Variants in NOS2 observed in about 807,000 individuals in gnomAD.
The protein encoded by NOS2 is nitric oxide synthase 2, also known as nitric oxide synthase, inducible.
In NOS2, 96 loss-of-function variants were observed where a neutral mutation model predicts 136.0. The ratio of observed to expected loss-of-function variants is 0.71; its 90% CI spans 0.60 to 0.84. The LOEUF (loss-of-function observed/expected upper bound fraction) is 0.84. Ranked by LOEUF, NOS2 falls within the 40% of genes least tolerant of loss-of-function variation. NOS2 has a pLI of 0.00. For synonymous variants in NOS2, 539 were observed against 587.5 expected (o/e 0.92, Z 1.20); for missense variants, 1,237 against 1,496.9 (o/e 0.83, Z 2.87).
Position 27,778,975 on chromosome 17 carries a change from C to T in NOS2, c.1086G>A (p.Leu362=). The change falls in exon 10 of 27, where the codon CTG becomes CTA. Residue 362 remains leucine, a synonymous_variant. Coordinates refer to ENST00000313735, the MANE Select transcript of NOS2 (RefSeq NM_000625.4). ...CATTGAAGGGGCACCCTGGGAACTC[C>T]AGGCCGCCCACCTCAAGCAGCATGT... ...VANMLLEVGG[L]EFPGCPFNGW... is the part of the protein sequence containing the mutation. The T allele has an allele frequency of 1.2e-6, 2 of 1,612,938 alleles. No homozygotes were observed. The highest frequency in any genetic ancestry group is 1.7e-6 in the Non-Finnish European group (2 of 1,179,178).
chr17:27,782,238 G>C (rs573455384), intron 6 of NOS2, 132 bp from the exon 7 acceptor site: 2 of 749,892 alleles, frequency 2.7e-6, no homozygotes, highest in South Asian at 3.3e-5. Context: ...CCATGCCGAA[G>C]AGTGCAGCCT....
chr17:27,758,213 G>A (rs1227135144), intron 26 of NOS2, among the ~76,000 whole-genome samples: 3 of 152,178 alleles, frequency 2.0e-5, no homozygotes, highest in Admixed American at 6.5e-5. Flanking sequence ...TGTGTCTTAG[G>A]GAGAGTATGG....
At chr17:27,782,230 A>G in intron 6 of NOS2, 124 bp from the exon 7 acceptor site, 1 of 798,780 alleles carries the variant, frequency 1.3e-6, no homozygotes. Flanking sequence ...ACTCAACACC[A>G]TGCCGAAGAG....
intron 20 of NOS2, 77 bp downstream of exon 20, chr17:27,765,458 G>A: frequency 7.3e-7 from 1 of 1,363,094 alleles, no homozygotes. Context: ...TCACCGGCAG[G>A]CCCAGGCTCA....
intron 11 of NOS2, among the ~76,000 whole-genome samples, chr17:27,775,972 G>A (rs1908645790): frequency 6.6e-6 from 1 of 152,232 alleles, no homozygotes. Flanking sequence ...TAGTCTAACT[G>A]GGTGGGGAAG....
intron 18 of NOS2, among the ~76,000 whole-genome samples, chr17:27,766,980 G>A (rs868111897): frequency 6.7e-5 from 8 of 119,924 alleles, no homozygotes; most frequent in Admixed American, 3.5e-4. Context: ...CAGCCTGGAC[G>A]ACAGACCGAG....
intron 2 of NOS2, among the ~76,000 whole-genome samples, chr17:27,790,488 T>C (rs2142525610): frequency 6.6e-6 from 1 of 152,352 alleles, no homozygotes; most frequent in South Asian, 2.1e-4. Flanking sequence ...CAGAAAATGT[T>C]AAGTGTACAA....
intron 21 of NOS2, 130 bp from the exon 22 acceptor site, chr17:27,763,135 T>C: frequency 1.5e-6 from 1 of 667,364 alleles, no homozygotes. Context: ...GCACTGTCCA[T>C]GGTGCTGAGA....
intron 20 of NOS2, among the ~76,000 whole-genome samples, chr17:27,764,888 C>G (rs990861209): frequency 6.6e-5 from 10 of 152,244 alleles, no homozygotes; most frequent in African/African-American, 2.4e-4. Context: ...CCTACAGTCA[C>G]AAGGGCAACT....
chr17:27,770,938 T>C lies in NOS2; in HGVS notation c.1784A>G (p.Asn595Ser). The C allele has an allele frequency of 1.2e-6, 2 of 1,614,052 alleles. No individual in the cohort carries two copies. The highest frequency in any genetic ancestry group is 1.7e-6 in the Non-Finnish European group (2 of 1,179,954). The change falls in exon 15 of 27, where the codon AAT (asparagine) becomes AGT (serine). Residue 595 changes from asparagine (N) to serine (S), a missense_variant. Transcript: ENST00000313735. Reference protein sequence around the residue: ...LLLVVTSTFGNGDCPGNGEKL... With the variant: ...LLLVVTSTFGSGDCPGNGEKL... ...CTCTCCATTGCCAGGGCAGTCTCCA[T>C]TGCCAAACGTACTGGTCACCACCAA...
chr17:27,765,228 T>G (rs1908257870), intron 20 of NOS2, among the ~76,000 whole-genome samples: 1 of 152,220 alleles, frequency 6.6e-6, no homozygotes, highest in South Asian at 2.1e-4. Context: ...CCTCAAGTGA[T>G]CCACCCACCA....
chr17:27,779,049 ACTCGTATCTGGC>A lies in NOS2; in HGVS notation c.1005-5_1011del. On this transcript the variant is annotated splice_acceptor_variant and splice_polypyrimidine_tract_variant and coding_sequence_variant and intron_variant, in exon 10 of 27. Transcript: ENST00000313735. LOFTEE classifies it high-confidence loss of function. ...CACTTTAGCTCCAGTTCCCGAAACC[ACTCGTATCTGGC>A]AAAAAGGTAGACACAATTTAACTGG... 2 of 1,501,748 alleles carry A rather than the reference ACTCGTATCTGGC, an allele frequency of 1.3e-6. No individual in the cohort carries two copies. The highest frequency in any genetic ancestry group is 2.3e-5 in the Admixed American group (1 of 43,310). 93.0% of individuals were successfully genotyped at this position (1,501,748 alleles called of 1,614,324 possible).
rs1177761064 is a variant in NOS2 at position 27,767,563 on chromosome 17, T to C, written c.2167+142A>G. ...CCTCAGCACCTTGAGTATTATGCCCTAACAGGCTCTTGCATGCAGTGAGAG... is the reference window on the plus strand; with the variant it reads ...CCTCAGCACCTTGAGTATTATGCCCCAACAGGCTCTTGCATGCAGTGAGAG... On this transcript the variant is annotated intron_variant, in intron 18 of 26. Transcript: ENST00000313735. 10 of 979,818 alleles carry C rather than the reference T, an allele frequency of 1.0e-5. No homozygotes were observed. In the South Asian group the frequency reaches 1.7e-4, roughly 17 times the overall value. The allele number at this position is 979,818 out of a possible 1,614,324, so 60.7% of individuals were successfully genotyped here.
chr17:27,787,822 A>C lies in NOS2; in HGVS notation c.323T>G (p.Leu108Ter). The change falls in exon 5 of 27, where the codon TTA (leucine) becomes TGA (stop). Residue 108 changes from leucine (L) to a stop codon, truncating the protein, a stop_gained. Transcript: ENST00000313735. LOFTEE classifies it high-confidence loss of function. ...DTLHHKAKGI[L>*]TCRSKSCLGS... is the part of the protein sequence containing the mutation. ...CAGGCAAGATTTGGACCTGCAAGTT[A>C]AAATCTGGAAAGAGAGAGGCAGGTG... The C allele has an allele frequency of 6.2e-7, 1 of 1,609,214 alleles. No homozygotes were observed. The highest frequency in any genetic ancestry group is 2.2e-5 in the East Asian group (1 of 44,500).
intron 5 of NOS2, among the ~76,000 whole-genome samples, chr17:27,784,159 C>CA (rs1309354185): frequency 6.6e-6 from 1 of 151,278 alleles, no homozygotes; most frequent in Non-Finnish European, 1.5e-5. Flanking sequence ...CACACACACA[C>CA]ACTACCACCA....
At chr17:27,779,795 G>A (rs369312373) in intron 9 of NOS2, among the ~76,000 whole-genome samples, 10 of 152,280 alleles carry the variant, frequency 6.6e-5, no homozygotes, top group Admixed American at 4.6e-4. Flanking sequence ...TAGCCTCTCT[G>A]AGCCTCAACA....
At position 27,797,737 on chromosome 17, in the gene NOS2, G is replaced by T. The variant is rs867450985; in HGVS notation, c.110+963C>A. Reference sequence around the variant, plus strand: ...GATTGCTTTGTCTTTCCACCTGAGCGAGCCTCAAGCCTGTCCCTTGACTTG... The same window carrying T: ...GATTGCTTTGTCTTTCCACCTGAGCTAGCCTCAAGCCTGTCCCTTGACTTG... On this transcript the variant is annotated intron_variant, in intron 2 of 26. Transcript: ENST00000313735. 3.9e-5 allele frequency among the ~76,000 whole-genome samples: 6 copies of T among 152,186 alleles called. No individual in the cohort carries two copies. The South Asian group carries it at 1.2e-3, about 32-fold the overall frequency.
chr17:27,758,858 A>G, intron 26 of NOS2, 23 bp downstream of exon 26: 1 of 1,429,702 alleles, frequency 7.0e-7, no homozygotes, highest in South Asian at 1.5e-5. Context: ...CGGCACCTTC[A>G]GCCCACACAC....
At chr17:27,783,761 G>C (rs1221330612) in intron 5 of NOS2, among the ~76,000 whole-genome samples, 1 of 152,244 alleles carries the variant, frequency 6.6e-6, no homozygotes, top group Non-Finnish European at 1.5e-5. Context: ...GTACAGGAAA[G>C]AGCAAAGTCA....
Sources: allele counts gnomAD v4.1 joint callset (sites outside exome capture counted in the v4.1 genomes callset), GRCh38; gene constraint gnomAD v4.1.1; transcripts MANE v1.5; gene names NCBI Gene and HGNC (gene_info 2026-07-23, HGNC 2026-07-21).